Variants in SMURF2 observed in about 807,000 individuals in gnomAD.
The protein encoded by SMURF2 is E3 ubiquitin-protein ligase SMURF2.
In SMURF2, 48 loss-of-function variants were observed where a neutral mutation model predicts 109.6. The ratio of observed to expected loss-of-function variants is 0.44; its 90% CI spans 0.35 to 0.56. The LOEUF (loss-of-function observed/expected upper bound fraction) is 0.56, where lower values mean the gene tolerates loss of function less well. SMURF2 is among the 20% of genes least tolerant of loss of function. The probability of loss-of-function intolerance (pLI) is 0.01; values close to 1 mark genes in which losing one functional copy is unlikely to be tolerated. For missense variants in SMURF2, 575 were observed against 909.0 expected (o/e 0.63, Z 4.72); for synonymous variants, 288 against 317.1 (o/e 0.91, Z 0.97).
At chr17:64,585,902 A>T (rs1215177827) in intron 6 of SMURF2, among the ~76,000 whole-genome samples, 184 bp downstream of exon 6, 1 of 152,214 alleles carries the variant, frequency 6.6e-6, no homozygotes, top group Non-Finnish European at 1.5e-5. Flanking sequence ...TAACACATCT[A>T]ATTTGTGGCT....
chr17:64,654,117 A>G (rs1422188802), intron 1 of SMURF2, among the ~76,000 whole-genome samples: 1 of 152,222 alleles, frequency 6.6e-6, no homozygotes, highest in African/African-American at 2.4e-5. Context: ...ATGTTTTGGG[A>G]AGAAACTTTT....
At position 64,598,388 on chromosome 17, in the gene SMURF2, T is replaced by A; in HGVS notation, c.194A>T (p.Tyr65Phe). Reference sequence around the variant, plus strand: ...ACTAATTGTTGAAACCTACAGGTCATAATGCTGATTCCACTTTGGATCAAG... The same window carrying A: ...ACTAATTGTTGAAACCTACAGGTCAAAATGCTGATTCCACTTTGGATCAAG... Reference protein sequence around the residue: ...NTLDPKWNQHYDLYIGKSDSV... With the variant: ...NTLDPKWNQHFDLYIGKSDSV... The change falls in exon 3 of 19, where the codon TAT becomes TTT. Residue 65 changes from tyrosine (Y) to phenylalanine (F), a missense_variant. Coordinates refer to ENST00000262435, the MANE Select transcript of SMURF2 (RefSeq NM_022739.4). 6.2e-7 allele frequency: 1 copy of A among 1,600,106 alleles called. No homozygotes were observed. Among genetic ancestry groups the A allele is most frequent in the Non-Finnish European group, 8.5e-7 (1 of 1,173,792 alleles).
intron 15 of SMURF2, 150 bp from the exon 16 acceptor site, chr17:64,551,854 T>C: frequency 1.1e-6 from 1 of 951,798 alleles, no homozygotes; most frequent in Non-Finnish European, 1.5e-6. Context: ...CTCAGACTAA[T>C]GGGGATAAAT....
At chr17:64,615,582 G>C in intron 1 of SMURF2, among the ~76,000 whole-genome samples, 1 of 152,162 alleles carries the variant, frequency 6.6e-6, no homozygotes, top group East Asian at 1.9e-4. Context: ...AAATGAAAAT[G>C]AAATTTAAAT....
At chr17:64,570,032 G>C (rs1451701623) in intron 10 of SMURF2, among the ~76,000 whole-genome samples, 1 of 152,184 alleles carries the variant, frequency 6.6e-6, no homozygotes. Flanking sequence ...CTACAATAAA[G>C]TAAGATCTGC....
intron 16 of SMURF2, among the ~76,000 whole-genome samples, chr17:64,549,262 CAAAAAAAAAAA>C (rs577973821): frequency 5.3e-4 from 22 of 41,572 alleles, no homozygotes; most frequent in Non-Finnish European, 6.9e-4. Flanking sequence ...ACTGTGTCTC[CAAAAAAAAAAA>C]AAAAAAAAAA....
chr17:64,595,805 T>C (rs1352541047), intron 3 of SMURF2, among the ~76,000 whole-genome samples: 1 of 152,122 alleles, frequency 6.6e-6, no homozygotes, highest in Non-Finnish European at 1.5e-5. Context: ...CATGACCAGA[T>C]ACAACTTCAT....
chr17:64,578,452 C>A, intron 9 of SMURF2, 40 bp downstream of exon 9: 1 of 1,290,876 alleles, frequency 7.7e-7, no homozygotes, highest in South Asian at 1.3e-5. Context: ...GGTGAAATGG[C>A]TCTTTGATGG....
intron 4 of SMURF2, 56 bp downstream of exon 4, chr17:64,593,384 T>C: frequency 1.3e-6 from 2 of 1,512,816 alleles, no homozygotes; most frequent in South Asian, 2.7e-5. Flanking sequence ...CACAAATACA[T>C]ATACACACAC....
chr17:64,620,865 T>A (rs1970191686), intron 1 of SMURF2, among the ~76,000 whole-genome samples: 1 of 152,208 alleles, frequency 6.6e-6, no homozygotes, highest in Non-Finnish European at 1.5e-5. Context: ...GTTATAAGGA[T>A]GTGCAAACTA....
intron 9 of SMURF2, 95 bp from the exon 10 acceptor site, chr17:64,572,051 G>A (rs1555685619): frequency 3.8e-6 from 4 of 1,056,976 alleles, no homozygotes; most frequent in Non-Finnish European, 5.2e-6. Context: ...CAAAGTGTGA[G>A]AAAATGTATT....
At chr17:64,584,353 T>TTTTTTTTC (rs1969619730) in intron 6 of SMURF2, among the ~76,000 whole-genome samples, 1 of 143,014 alleles carries the variant, frequency 7.0e-6, no homozygotes, top group African/African-American at 2.9e-5. Flanking sequence ...GCTACTTTCT[T>TTTTTTTTC]TTTTTTTCTT....
chr17:64,659,542 A>G (rs1241502648), intron 1 of SMURF2, among the ~76,000 whole-genome samples: 1 of 150,738 alleles, frequency 6.6e-6, no homozygotes, highest in African/African-American at 2.4e-5. Context: ...TTTTTTAAAC[A>G]AAATGAGGCC....
chr17:64,611,820 CTT>C (rs1970048341), intron 1 of SMURF2, among the ~76,000 whole-genome samples: 1 of 152,172 alleles, frequency 6.6e-6, no homozygotes. Context: ...CTGGCCCAAA[CTT>C]ATATTGGCTT....
chr17:64,568,737 C>T (rs1298233228), intron 10 of SMURF2, among the ~76,000 whole-genome samples: 2 of 152,174 alleles, frequency 1.3e-5, no homozygotes, highest in African/African-American at 4.8e-5. Context: ...CACAACGGCT[C>T]ACACCTGTAA....
chr17:64,599,768 G>T (rs1290806430), intron 2 of SMURF2, among the ~76,000 whole-genome samples: 2 of 152,168 alleles, frequency 1.3e-5, no homozygotes, highest in African/African-American at 2.4e-5. Flanking sequence ...TGGAAAAACT[G>T]TCTTGCATGA....
intron 13 of SMURF2, among the ~76,000 whole-genome samples, chr17:64,556,330 C>T (rs1969119548): frequency 6.6e-6 from 1 of 152,072 alleles, no homozygotes; most frequent in Non-Finnish European, 1.5e-5. Context: ...CCTGCTGAGC[C>T]CTTTGTCATG....
At chr17:64,551,493 C>T in intron 16 of SMURF2, 91 bp downstream of exon 16, 1 of 1,369,556 alleles carries the variant, frequency 7.3e-7, no homozygotes, top group Non-Finnish European at 1.0e-6. Flanking sequence ...TAGAAAGCAC[C>T]AGAAATATGC....
intron 1 of SMURF2, 76 bp from the exon 2 acceptor site, chr17:64,606,716 G>A: frequency 9.4e-7 from 1 of 1,065,894 alleles, no homozygotes; most frequent in Non-Finnish European, 1.3e-6. Flanking sequence ...TTAAAACACG[G>A]AAAACAGCAG....
Sources: gnomAD v4.1 joint callset for allele counts (sites outside exome capture counted in the v4.1 genomes callset) on GRCh38, gnomAD v4.1.1 for gene constraint, MANE v1.5 for transcripts, NCBI Gene and HGNC (gene_info 2026-07-23, HGNC 2026-07-21) for gene names.